Variants in ITGA2B observed in about 807,000 individuals in gnomAD.
ITGA2B encodes integrin subunit alpha 2b.
Under a neutral mutation model 142.0 loss-of-function variants are expected in ITGA2B, and 91 were observed. That is an observed-to-expected ratio of 0.64 (90% CI 0.54 to 0.76). The LOEUF is 0.76. Among genes scored for constraint, ITGA2B ranks in the 30% least tolerant of loss-of-function variants. ITGA2B has a pLI of 0.00. For missense variants in ITGA2B, 1,231 were observed against 1,350.8 expected, an observed-to-expected ratio of 0.91 and a Z score of 1.39; for synonymous variants, 536 against 567.2, an observed-to-expected ratio of 0.94 and a Z score of 0.78.
At position 44,380,633 on chromosome 17, in the gene ITGA2B, C is replaced by T. The variant is rs2048587750; in HGVS notation, c.1406G>A (p.Gly469Glu). ...AGCCACCTGGTTGGCCCCGTAAGCTCCCACGATCAGGTCTATAGACATCGA... is the reference window on the plus strand; with the variant it reads ...AGCCACCTGGTTGGCCCCGTAAGCTTCCACGATCAGGTCTATAGACATCGA... ...DDNGYPDLIVGAYGANQVAVY... is the reference protein window; with the variant it reads ...DDNGYPDLIVEAYGANQVAVY... Residue 469 changes from glycine (G) to glutamate (E), a missense_variant, in exon 14 of 30, where the codon GGA becomes GAA. Coordinates refer to ENST00000262407, the MANE Select transcript of ITGA2B (RefSeq NM_000419.5). 6.2e-7 allele frequency: 1 copy of T among 1,614,092 alleles called. No homozygotes were observed. Among genetic ancestry groups the T allele is most frequent in the African/African-American group, 1.3e-5 (1 of 74,932 alleles).
Position 44,389,524 on chromosome 17 carries a change from T to A in ITGA2B, c.-51A>T. 1 of 1,583,060 alleles carries A rather than the reference T, an allele frequency of 6.3e-7. No individual in the cohort carries two copies. Among genetic ancestry groups the A allele is most frequent in the Non-Finnish European group, 8.6e-7 (1 of 1,156,566 alleles). On this transcript the variant is annotated 5_prime_UTR_variant, in exon 1 of 30. An upstream open reading frame in the 5' UTR gains an earlier in-frame stop. Coordinates refer to ENST00000262407, the MANE Select transcript of ITGA2B (RefSeq NM_000419.5). ...CAGGAATGGGCCAGCTCCTCCTCCTTCCCTTCAGATTCCTCCACAGGAAGT... is the reference window on the plus strand; with the variant it reads ...CAGGAATGGGCCAGCTCCTCCTCCTACCCTTCAGATTCCTCCACAGGAAGT...
In ITGA2B at chr17:44,383,906, A is replaced by C; in HGVS notation, c.986T>G (p.Val329Gly). Residue 329 changes from valine to glycine, a missense_variant, in exon 11 of 30, where the codon GTC becomes GGC. Around this residue, in one of 3 missense-constraint regions of ITGA2B, gnomAD observed 908 missense variants for 1,021.1 expected, o/e 0.89. Coordinates refer to ENST00000262407, the MANE Select transcript of ITGA2B (RefSeq NM_000419.5). ...TGTCCCTCCTCACCCATCCCCGTTG[A>C]CGTCAGTGACAGCCACTGAATGCCC... ...YFGHSVAVTD[V>G]NGDGRHDLLV... 1 of 1,613,878 alleles carries C rather than the reference A, an allele frequency of 6.2e-7. No homozygotes were observed. The highest frequency in any genetic ancestry group is 8.5e-7 in the Non-Finnish European group (1 of 1,179,992).
chr17:44,376,936 G>C (rs538791251), intron 22 of ITGA2B, 73 bp downstream of exon 22: 1 of 1,236,696 alleles, frequency 8.1e-7, no homozygotes, highest in Non-Finnish European at 1.1e-6. Context: ...CTGTATGGAA[G>C]GGACCTGAGG....
Position 44,378,038 on chromosome 17 carries a change from TAAC to T in ITGA2B, c.2095-251_2095-249del, listed in dbSNP as rs57760756. Among the ~76,000 whole-genome samples the T allele has an allele frequency of 0.043, 6,568 of 152,030 alleles. 453 individuals are homozygous for T. The highest frequency in any genetic ancestry group is 0.15 in the African/African-American group (6,268 of 41,422). On this transcript the variant is annotated intron_variant, in intron 20 of 29. Coordinates refer to ENST00000262407, the MANE Select transcript of ITGA2B (RefSeq NM_000419.5). The stretch of plus-strand genomic sequence containing the variant: ...TGACCCCCATTATTATAAACTATAT[TAAC>T]AACATAAAAAATAAATATATACTTA...
intron 1 of ITGA2B, among the ~76,000 whole-genome samples, chr17:44,388,351 C>CTTTTTTTTTTTT: frequency 1.0e-5 from 1 of 97,362 alleles, no homozygotes; most frequent in Non-Finnish European, 1.9e-5. Context: ...CATTTCCTTT[C>CTTTTTTTTTTTT]TTTTTTTTTT....
chr17:44,389,128 C>T (rs575146591), intron 1 of ITGA2B, among the ~76,000 whole-genome samples, 158 bp downstream of exon 1: 3 of 152,154 alleles, frequency 2.0e-5, no homozygotes, highest in Non-Finnish European at 2.9e-5. Context: ...GAGCCAGTCC[C>T]CTGGACCCCA....
chr17:44,375,178 AC>A, intron 26 of ITGA2B, 67 bp from the exon 27 acceptor site: 2 of 1,303,314 alleles, frequency 1.5e-6, no homozygotes, highest in Non-Finnish European at 1.1e-6. Flanking sequence ...CCACCCCCTT[AC>A]CCCCAGGACC....
chr17:44,374,823 AGGTCCCACACCCCC>A, intron 27 of ITGA2B, 63 bp from the exon 28 acceptor site: 11 of 1,450,326 alleles, frequency 7.6e-6, no homozygotes, highest in Non-Finnish European at 1.1e-5. Context: ...GCAGGAGTCC[AGGTCCCACACCCCC>A]GGCGGGGAAG....
In ITGA2B at chr17:44,384,142, C is replaced by T; in HGVS notation, c.892-4G>A. 3.1e-6 allele frequency: 5 copies of T among 1,613,376 alleles called. No individual in the cohort carries two copies. The highest frequency in any genetic ancestry group is 1.7e-5 in the Admixed American group (1 of 59,990). The stretch of plus-strand genomic sequence containing the variant: ...AGTAGGAATCCAAAATTTCCACCTG[C>T]ACGGACAGCGCAGGCGAGAGCATCA... On this transcript the variant is annotated splice_region_variant and splice_polypyrimidine_tract_variant and intron_variant, in intron 9 of 29. Coordinates refer to ENST00000262407, the MANE Select transcript of ITGA2B (RefSeq NM_000419.5).
chr17:44,379,534 G>A (rs1157599700), intron 18 of ITGA2B, among the ~76,000 whole-genome samples, 155 bp downstream of exon 18: 3 of 152,194 alleles, frequency 2.0e-5, no homozygotes, highest in Admixed American at 1.3e-4. Flanking sequence ...GATTACAGGT[G>A]TGAGCCACCA....
Position 44,372,383 on chromosome 17 carries a change from T to C in ITGA2B, c.3101A>G (p.Asp1034Gly). 1 of 1,614,036 alleles carries C rather than the reference T, an allele frequency of 6.2e-7. No homozygotes were observed. The highest frequency in any genetic ancestry group is 8.5e-7 in the Non-Finnish European group (1 of 1,179,994). Residue 1034 changes from aspartate to glycine, a missense_variant, in exon 30 of 30, where the codon GAT becomes GGT. Asp to Gly is a moderately conservative substitution (Grantham distance 94, BLOSUM62 -1). This residue lies in a region of ITGA2B where 908 missense variants were observed against 1,021.1 expected (regional missense o/e 0.89). Transcript: ENST00000262407. ...FKRNRPPLEEDDEEGE is the reference protein window; with the variant it reads ...FKRNRPPLEEGDEEGE ...GCACCATCACTCCCCCTCTTCATCA[T>C]CTTCTTCCAGGGGTGGCCGGTTCCG...
chr17:44,388,765 C>A (rs2048672228), intron 1 of ITGA2B, among the ~76,000 whole-genome samples: 1 of 151,806 alleles, frequency 6.6e-6, no homozygotes, highest in Non-Finnish European at 1.5e-5. Flanking sequence ...GATCTGCCCA[C>A]CTCTGCCTCC....
chr17:44,372,833 C>T (rs920351587), intron 29 of ITGA2B, among the ~76,000 whole-genome samples: 14 of 151,964 alleles, frequency 9.2e-5, no homozygotes, highest in Admixed American at 3.9e-4. Context: ...GTTGGCCGGG[C>T]TGGTCTCAAA....
chr17:44,388,357 T>C (rs907634119), intron 1 of ITGA2B, among the ~76,000 whole-genome samples: 3 of 144,326 alleles, frequency 2.1e-5, no homozygotes, highest in South Asian at 4.5e-4. Flanking sequence ...CTTTCTTTTT[T>C]TTTTTTTTTT....
At chr17:44,379,635 T>C in intron 18 of ITGA2B, 54 bp downstream of exon 18, 1 of 1,613,436 alleles carries the variant, frequency 6.2e-7, no homozygotes, top group Non-Finnish European at 8.5e-7. Flanking sequence ...ACCCTAATCC[T>C]GATTTGCTAT....
In ITGA2B at chr17:44,372,360, A is replaced by G; in HGVS notation, c.*4T>C. 6.2e-7 allele frequency: 1 copy of G among 1,613,954 alleles called. No homozygotes were observed. The highest frequency in any genetic ancestry group is 8.5e-7 in the Non-Finnish European group (1 of 1,179,924). Reference sequence around the variant, plus strand: ...CTCCTGCTAGAATAGTGTAGGCTGCACCATCACTCCCCCTCTTCATCATCT... The same window carrying G: ...CTCCTGCTAGAATAGTGTAGGCTGCGCCATCACTCCCCCTCTTCATCATCT... On this transcript the variant is annotated 3_prime_UTR_variant, in exon 30 of 30. Coordinates refer to ENST00000262407, the MANE Select transcript of ITGA2B (RefSeq NM_000419.5).
chr17:44,384,894 T>A, intron 7 of ITGA2B, 54 bp downstream of exon 7: 1 of 1,612,046 alleles, frequency 6.2e-7, no homozygotes, highest in Non-Finnish European at 8.5e-7. Context: ...GACCTGACCG[T>A]CTGCGGTGGG....
At chr17:44,381,698 A>G (rs551152116) in intron 12 of ITGA2B, among the ~76,000 whole-genome samples, 39 of 151,682 alleles carry the variant, frequency 2.6e-4, no homozygotes, top group Non-Finnish European at 5.4e-4. Flanking sequence ...CAGTGGTGCA[A>G]CCATGGCTTA....
chr17:44,381,917 C>T (rs979567799), intron 12 of ITGA2B, among the ~76,000 whole-genome samples: 7 of 152,118 alleles, frequency 4.6e-5, no homozygotes, highest in Admixed American at 1.3e-4. Flanking sequence ...TGTGAGCCAC[C>T]GTGCCTGGCC....
Sources: gnomAD v4.1 joint callset for allele counts (sites outside exome capture counted in the v4.1 genomes callset) on GRCh38, gnomAD v4.1.1 for gene constraint, gnomAD v4.1.1 regional missense constraint, MANE v1.5 for transcripts, NCBI Gene and HGNC (gene_info 2026-07-23, HGNC 2026-07-21) for gene names.